The following CENPW variants were observed in gnomAD, a reference collection of about 807,000 sequenced individuals.
CENPW encodes centromere protein W, also known as cancer-up-regulated gene 2 protein.
In CENPW, 3 loss-of-function variants were observed where a neutral mutation model predicts 11.1. The ratio of observed to expected loss-of-function variants is 0.27; its 90% CI spans 0.12 to 0.70. CENPW has a LOEUF of 0.70. Among genes scored for constraint, CENPW ranks in the 30% least tolerant of loss-of-function variants. CENPW has a pLI of 0.77. For synonymous variants in CENPW, 38 were observed against 42.0 expected, an observed-to-expected ratio of 0.91 and a Z score of 0.37; for missense variants, 100 against 105.6, an observed-to-expected ratio of 0.95 and a Z score of 0.23.
chr6:126,405,866 G>A, the CENPW span, among the ~76,000 whole-genome samples: 1 of 151,702 alleles, frequency 6.6e-6, no homozygotes, highest in African/African-American at 2.4e-5. Flanking sequence ...TATTGATTTT[G>A]CTTATCAATT....
At chr6:126,480,169 T>G in the CENPW span, among the ~76,000 whole-genome samples, 1 of 152,038 alleles carries the variant, frequency 6.6e-6, no homozygotes, top group South Asian at 2.1e-4. Flanking sequence ...TTTTTTAAAG[T>G]CTTTTTTTCT....
chr6:126,366,616 C>T, the CENPW span, among the ~76,000 whole-genome samples: 875 of 152,222 alleles, frequency 5.7e-3, 12 homozygotes, highest in African/African-American at 0.019. Flanking sequence ...TACTCAATCT[C>T]GTTAGGCATG....
chr6:126,375,136 A>C, the CENPW span, among the ~76,000 whole-genome samples: 1 of 152,232 alleles, frequency 6.6e-6, no homozygotes, highest in African/African-American at 2.4e-5. Flanking sequence ...CAATATGAGA[A>C]GCCAGCTTTG....
chr6:126,351,177 T>A (rs1780487252), downstream of CENPW, among the ~76,000 whole-genome samples: 1 of 150,518 alleles, frequency 6.6e-6, no homozygotes, highest in African/African-American at 2.4e-5. Context: ...TGTGTGTAAG[T>A]GGAGTAGGAT....
At chr6:126,418,418 T>C in the CENPW span, among the ~76,000 whole-genome samples, 1 of 152,276 alleles carries the variant, frequency 6.6e-6, no homozygotes. Context: ...TTCAGCAAAA[T>C]ATTTTTTATA....
At chr6:126,340,712 C>T (rs9375435) in intron 1 of CENPW, among the ~76,000 whole-genome samples, 66,813 of 152,048 alleles carry the variant, frequency 0.44, 16,771 homozygotes, top group East Asian at 0.97. Flanking sequence ...CACAATCTGG[C>T]ACCGTGATTA....
chr6:126,376,182 A>G, the CENPW span, among the ~76,000 whole-genome samples: 1 of 152,202 alleles, frequency 6.6e-6, no homozygotes. Flanking sequence ...TGAATAAATT[A>G]GTGAATGAAT....
chr6:126,343,295 G>C (rs892308633), intron 1 of CENPW, among the ~76,000 whole-genome samples: 4 of 152,154 alleles, frequency 2.6e-5, no homozygotes, highest in Admixed American at 2.6e-4. Context: ...CATTGGAGTA[G>C]TACCACTCAA....
chr6:126,439,785 T>A, the CENPW span, among the ~76,000 whole-genome samples: 2 of 151,614 alleles, frequency 1.3e-5, no homozygotes, highest in African/African-American at 4.8e-5. Context: ...CATTTCCAAA[T>A]TCTATAGCCA....
At chr6:126,370,653 G>C in the CENPW span, among the ~76,000 whole-genome samples, 2 of 152,038 alleles carry the variant, frequency 1.3e-5, no homozygotes, top group African/African-American at 4.8e-5. Flanking sequence ...GCAGTTCTAG[G>C]AGCTTTTTGG....
chr6:126,467,936 C>T, the CENPW span, among the ~76,000 whole-genome samples: 3 of 152,076 alleles, frequency 2.0e-5, no homozygotes, highest in African/African-American at 7.2e-5. Context: ...GATTTTCCTT[C>T]CCCAAACTTG....
At chr6:126,385,027 A>G in the CENPW span, among the ~76,000 whole-genome samples, 1 of 152,126 alleles carries the variant, frequency 6.6e-6, no homozygotes, top group African/African-American at 2.4e-5. Flanking sequence ...ATGAATGATT[A>G]TTAGAGAAAA....
intron 1 of CENPW, among the ~76,000 whole-genome samples, chr6:126,345,230 TA>T (rs1780385716): frequency 1.3e-5 from 2 of 151,994 alleles, no homozygotes; most frequent in African/African-American, 4.8e-5. Flanking sequence ...AGTGTTATTT[TA>T]TATGACATAT....
At chr6:126,363,420 G>GTTGGACCTAAATAGTAGCTTC in the CENPW span, among the ~76,000 whole-genome samples, 3 of 152,120 alleles carry the variant, frequency 2.0e-5, no homozygotes, top group Non-Finnish European at 4.4e-5. Context: ...TCCACAATTA[G>GTTGGACCTAAATAGTAGCTTC]TTGGACCTAA....
At chr6:126,470,436 A>C in the CENPW span, among the ~76,000 whole-genome samples, 1 of 152,232 alleles carries the variant, frequency 6.6e-6, no homozygotes, top group Non-Finnish European at 1.5e-5. Flanking sequence ...GGAAATGCCT[A>C]GATGTCCAGG....
chr6:126,344,270 C>A (rs758265654), intron 1 of CENPW, among the ~76,000 whole-genome samples: 2 of 152,150 alleles, frequency 1.3e-5, no homozygotes, highest in Non-Finnish European at 2.9e-5. Flanking sequence ...TATAACCTTA[C>A]ATATTGGGGG....
the CENPW span, among the ~76,000 whole-genome samples, chr6:126,370,360 T>C: frequency 6.6e-6 from 1 of 152,040 alleles, no homozygotes; most frequent in Non-Finnish European, 1.5e-5. Context: ...TCAATGAATT[T>C]GTCATTTTCA....
At chr6:126,365,473 A>G in the CENPW span, among the ~76,000 whole-genome samples, 1 of 152,118 alleles carries the variant, frequency 6.6e-6, no homozygotes, top group Non-Finnish European at 1.5e-5. Flanking sequence ...AGAGAGAGAG[A>G]AGGGGGAGAC....
At chr6:126,393,485 T>C in the CENPW span, among the ~76,000 whole-genome samples, 1 of 151,618 alleles carries the variant, frequency 6.6e-6, no homozygotes, top group Non-Finnish European at 1.5e-5. Context: ...TGTGTTTCCA[T>C]TGTGATTTAT....
Sources: gnomAD v4.1 joint callset for allele counts (sites outside exome capture counted in the v4.1 genomes callset) on GRCh38, gnomAD v4.1.1 for gene constraint, MANE v1.5 for transcripts, NCBI Gene and HGNC (gene_info 2026-07-23, HGNC 2026-07-21) for gene names.